LZTFL1: variants seen among roughly 807,000 people sequenced by gnomAD.
The protein encoded by LZTFL1 is leucine zipper transcription factor like 1.
In LZTFL1, 25 loss-of-function variants were observed where a neutral mutation model predicts 45.9. That is an observed-to-expected ratio of 0.54 (90% CI 0.40 to 0.76). The LOEUF is 0.76. Ranked by LOEUF, LZTFL1 falls within the 30% of genes least tolerant of loss-of-function variation. The probability of loss-of-function intolerance (pLI) is 0.00; values close to 1 mark genes in which losing one functional copy is unlikely to be tolerated. For missense variants in LZTFL1, 277 were observed against 331.1 expected, an observed-to-expected ratio of 0.84 and a Z score of 1.27; for synonymous variants, 93 against 117.4, an observed-to-expected ratio of 0.79 and a Z score of 1.35.
At chr3:45,911,781 G>T (rs1702799635) in intron 2 of LZTFL1, among the ~76,000 whole-genome samples, 1 of 152,242 alleles carries the variant, frequency 6.6e-6, no homozygotes, top group Non-Finnish European at 1.5e-5. Flanking sequence ...GGTGAATGCA[G>T]AAAGACATCA....
At chr3:45,874,696 G>A (rs1264310887) in intron 2 of LZTFL1, among the ~76,000 whole-genome samples, 1 of 152,160 alleles carries the variant, frequency 6.6e-6, no homozygotes, top group Non-Finnish European at 1.5e-5. Flanking sequence ...TCTTCCCATT[G>A]AGAGGTAGTG....
chr3:45,829,615 A>G (rs1300255261), intron 7 of LZTFL1, among the ~76,000 whole-genome samples: 23 of 150,824 alleles, frequency 1.5e-4, no homozygotes, highest in African/African-American at 5.3e-4. Flanking sequence ...AAAGAAAAAA[A>G]AAAAAAAAAA....
At chr3:45,831,427 G>A (rs949256154) in intron 5 of LZTFL1, among the ~76,000 whole-genome samples, 10 of 151,952 alleles carry the variant, frequency 6.6e-5, no homozygotes, top group Non-Finnish European at 1.0e-4. Flanking sequence ...CCAAAGACCC[G>A]CTTCCCTGCC....
At chr3:45,882,025 G>C (rs564145658) in intron 2 of LZTFL1, among the ~76,000 whole-genome samples, 1 of 152,210 alleles carries the variant, frequency 6.6e-6, no homozygotes, top group South Asian at 2.1e-4. Flanking sequence ...ATGTTCACTA[G>C]CTATATGTGG....
intron 2 of LZTFL1, 86 bp from the exon 3 acceptor site, chr3:45,835,870 T>G (rs901913223): frequency 8.0e-6 from 7 of 879,234 alleles, no homozygotes; most frequent in Admixed American, 2.8e-5. Context: ...CCCACATTCA[T>G]GTAATCTAAG....
At chr3:45,865,841 G>A (rs1199708057) in intron 2 of LZTFL1, among the ~76,000 whole-genome samples, 1 of 152,216 alleles carries the variant, frequency 6.6e-6, no homozygotes, top group Non-Finnish European at 1.5e-5. Flanking sequence ...AAATACTTGA[G>A]CGTTTATAAC....
intron 2 of LZTFL1, among the ~76,000 whole-genome samples, chr3:45,909,566 C>T (rs1331211769): frequency 6.6e-6 from 1 of 152,190 alleles, no homozygotes; most frequent in Non-Finnish European, 1.5e-5. Context: ...ATGCAATTCC[C>T]TTAAAAACTC....
At chr3:45,881,356 C>A (rs1279124474) in intron 2 of LZTFL1, among the ~76,000 whole-genome samples, 1 of 152,210 alleles carries the variant, frequency 6.6e-6, no homozygotes, top group Non-Finnish European at 1.5e-5. Context: ...GTTAAAGATA[C>A]CCAAGTCTTC....
At chr3:45,839,985 C>T (rs756945109) in intron 1 of LZTFL1, among the ~76,000 whole-genome samples, 4 of 152,152 alleles carry the variant, frequency 2.6e-5, no homozygotes, top group Admixed American at 6.5e-5. Context: ...TGATTACTAC[C>T]TCGTATTATT....
intron 2 of LZTFL1, among the ~76,000 whole-genome samples, chr3:45,887,626 C>T (rs1018176649): frequency 1.3e-5 from 2 of 152,236 alleles, no homozygotes; most frequent in Admixed American, 1.3e-4. Flanking sequence ...CATCTCCTTA[C>T]TCCCTTTCCT....
rs868291445 is a variant in LZTFL1 at position 45,824,052 on chromosome 3, C to G, written c.*2262G>C. 1.3e-5 allele frequency: 2 copies of G among 152,026 alleles called. No individual in the cohort carries two copies. Among genetic ancestry groups the G allele is most frequent in the Non-Finnish European group, 2.9e-5 (2 of 68,012 alleles). The allele number at this position is 152,026 out of a possible 1,614,324, so 9.4% of individuals were successfully genotyped here. A position where few individuals can be genotyped will look rare whatever the true frequency, so the allele number is the denominator to read the frequency against. On this transcript the variant is annotated 3_prime_UTR_variant, in exon 10 of 10. Transcript: ENST00000296135. ...GTAATACATAAAGAGAAAAAATGAA[C>G]ACAAATGTCAAACAGAAGAAAACCC...
chr3:45,829,731 G>A (rs1700768108), intron 7 of LZTFL1, among the ~76,000 whole-genome samples: 1 of 151,758 alleles, frequency 6.6e-6, no homozygotes, highest in Non-Finnish European at 1.5e-5. Flanking sequence ...CGTATTCACT[G>A]GTTGTTCTTG....
At chr3:45,910,744 C>A (rs7621076) in intron 2 of LZTFL1, among the ~76,000 whole-genome samples, 1,804 of 152,292 alleles carry the variant, frequency 0.012, 45 homozygotes, top group African/African-American at 0.04. Flanking sequence ...ATTCTAAGAA[C>A]CTTGCTTGTA....
intron 2 of LZTFL1, among the ~76,000 whole-genome samples, chr3:45,881,677 T>C (rs554395992): frequency 2.2e-4 from 34 of 152,346 alleles, no homozygotes; most frequent in African/African-American, 7.7e-4. Context: ...TTAAGGGACC[T>C]TGCCCTTAAA....
At chr3:45,835,827 G>A in intron 2 of LZTFL1, 43 bp from the exon 3 acceptor site, 1 of 1,431,472 alleles carries the variant, frequency 7.0e-7, no homozygotes, top group East Asian at 2.4e-5. Flanking sequence ...AAAACAACAA[G>A]AAAAATCTAC....
At chr3:45,861,529 A>T (rs930541367) in intron 2 of LZTFL1, among the ~76,000 whole-genome samples, 1 of 152,200 alleles carries the variant, frequency 6.6e-6, no homozygotes, top group Admixed American at 6.5e-5. Context: ...TGTTTAAAAG[A>T]AGTCCTATGA....
chr3:45,915,338 C>T (rs940206493), intron 1 of LZTFL1: 2 of 346,492 alleles, frequency 5.8e-6, no homozygotes, highest in East Asian at 1.5e-4. Flanking sequence ...TTTATCCCCG[C>T]ACCGCCCACC....
upstream of LZTFL1, chr3:45,842,140 G>A (rs1193799369): frequency 9.2e-6 from 14 of 1,516,926 alleles, no homozygotes; most frequent in Admixed American, 2.6e-4. Context: ...GGAAACCGAG[G>A]CACGTGGACT....
intron 2 of LZTFL1, among the ~76,000 whole-genome samples, chr3:45,906,246 C>A (rs1014584255): frequency 2.6e-5 from 4 of 152,206 alleles, no homozygotes; most frequent in African/African-American, 9.7e-5. Context: ...ATAACCTAAG[C>A]ATTCAGCAGA....
Sources: allele counts gnomAD v4.1 joint callset (sites outside exome capture counted in the v4.1 genomes callset), GRCh38; gene constraint gnomAD v4.1.1; transcripts MANE v1.5; gene names NCBI Gene and HGNC (gene_info 2026-07-23, HGNC 2026-07-21).